Variants in ADAMTS12 observed in about 807,000 individuals in gnomAD.
The protein encoded by ADAMTS12 is A disintegrin and metalloproteinase with thrombospondin motifs 12.
A neutral mutation model predicts 167.8 loss-of-function variants in ADAMTS12; 118 were observed. The ratio of observed to expected loss-of-function variants is 0.70; its 90% confidence interval spans 0.61 to 0.82. The LOEUF is 0.82. Among genes scored for constraint, ADAMTS12 ranks in the 40% least tolerant of loss-of-function variants. The probability of loss-of-function intolerance (pLI) is 0.00; values close to 1 mark genes in which losing one functional copy is unlikely to be tolerated. For missense variants in ADAMTS12, 1,916 were observed against 1,998.8 expected, an observed-to-expected ratio of 0.96 and a Z score of 0.79; for synonymous variants, 704 against 716.9, an observed-to-expected ratio of 0.98 and a Z score of 0.29.
intron 9 of ADAMTS12, among the ~76,000 whole-genome samples, chr5:33,647,143 G>A (rs192537173): frequency 6.6e-6 from 1 of 152,174 alleles, no homozygotes; most frequent in Non-Finnish European, 1.5e-5. Flanking sequence ...AGATTAGAGA[G>A]TGAAGGGCTA....
At chr5:33,668,397 T>C (rs1741547227) in intron 5 of ADAMTS12, among the ~76,000 whole-genome samples, 1 of 152,226 alleles carries the variant, frequency 6.6e-6, no homozygotes, top group African/African-American at 2.4e-5. Context: ...GGGACACCTG[T>C]AATTGTGTTC....
At chr5:33,691,333 T>G (rs10064197) in intron 3 of ADAMTS12, among the ~76,000 whole-genome samples, 34,161 of 152,092 alleles carry the variant, frequency 0.22, 4,014 homozygotes, top group East Asian at 0.42. Flanking sequence ...GAACATCACT[T>G]GAAAAAATAC....
intron 1 of ADAMTS12, among the ~76,000 whole-genome samples, chr5:33,886,007 CTT>C (rs1750623661): frequency 6.6e-6 from 1 of 152,098 alleles, no homozygotes; most frequent in Admixed American, 6.5e-5. Flanking sequence ...CGGAAGCAAA[CTT>C]AATCTAGGAG....
At chr5:33,800,339 A>C (rs1258955588) in intron 2 of ADAMTS12, among the ~76,000 whole-genome samples, 1 of 152,200 alleles carries the variant, frequency 6.6e-6, no homozygotes, top group East Asian at 1.9e-4. Context: ...GATGAAACAA[A>C]GCATATGACA....
chr5:33,574,650 C>T (rs1012248679), intron 19 of ADAMTS12, among the ~76,000 whole-genome samples: 4 of 151,518 alleles, frequency 2.6e-5, no homozygotes, highest in Non-Finnish European at 5.9e-5. Flanking sequence ...TAATGCTAAA[C>T]GACGAATTAA....
Position 33,633,058 on chromosome 5 carries a change from G to A in ADAMTS12, c.1889-2145C>T, listed in dbSNP as rs181523523. Reference sequence around the variant, plus strand: ...GAACTGGCAAATTATGGTTCTATTTGTGTGCAAATGAAAACCTGCTGTTAG... The same window carrying A: ...GAACTGGCAAATTATGGTTCTATTTATGTGCAAATGAAAACCTGCTGTTAG... On this transcript the variant is annotated intron_variant, in intron 12 of 23. Coordinates refer to ENST00000504830, the MANE Select transcript of ADAMTS12 (RefSeq NM_030955.4). Among the ~76,000 whole-genome samples, 4 of 151,646 alleles carry A rather than the reference G, an allele frequency of 2.6e-5. No homozygotes were observed. The Admixed American group carries it at 2.6e-4, about 10-fold the overall frequency.
intron 16 of ADAMTS12, among the ~76,000 whole-genome samples, chr5:33,609,181 T>C (rs1738592845): frequency 6.6e-6 from 1 of 152,118 alleles, no homozygotes; most frequent in Non-Finnish European, 1.5e-5. Flanking sequence ...GATTCCTACT[T>C]TACACCTCAC....
chr5:33,860,091 A>C (rs1447941216), intron 2 of ADAMTS12, among the ~76,000 whole-genome samples: 1 of 151,692 alleles, frequency 6.6e-6, no homozygotes, highest in African/African-American at 2.4e-5. Context: ...TCCAAAAACC[A>C]GAATGCCTCT....
At chr5:33,673,107 AG>A (rs1741775920) in intron 5 of ADAMTS12, among the ~76,000 whole-genome samples, 1 of 150,144 alleles carries the variant, frequency 6.7e-6, no homozygotes, top group East Asian at 2.0e-4. Flanking sequence ...CAAACAGAAA[AG>A]CAGATAACCT....
intron 12 of ADAMTS12, among the ~76,000 whole-genome samples, chr5:33,636,872 A>G (rs1740223885): frequency 6.6e-6 from 1 of 152,130 alleles, no homozygotes; most frequent in Non-Finnish European, 1.5e-5. Context: ...ATGTGTCTGG[A>G]CGTTTTGCCA....
chr5:33,620,312 T>C (rs1739253017), intron 14 of ADAMTS12, among the ~76,000 whole-genome samples: 1 of 152,256 alleles, frequency 6.6e-6, no homozygotes, highest in African/African-American at 2.4e-5. Context: ...TGGCACTTTG[T>C]ATGAATCCCA....
At chr5:33,702,927 G>C (rs1340696611) in intron 3 of ADAMTS12, among the ~76,000 whole-genome samples, 1 of 152,142 alleles carries the variant, frequency 6.6e-6, no homozygotes, top group Non-Finnish European at 1.5e-5. Flanking sequence ...TGGTACCTCA[G>C]TGCCATTCTA....
chr5:33,713,647 A>T (rs532622707), intron 3 of ADAMTS12, among the ~76,000 whole-genome samples: 59 of 152,188 alleles, frequency 3.9e-4, no homozygotes, highest in African/African-American at 1.3e-3. Context: ...CAAGAAAAAA[A>T]AATTGATGAG....
At chr5:33,869,166 A>G (rs1749943405) in intron 2 of ADAMTS12, among the ~76,000 whole-genome samples, 1 of 152,158 alleles carries the variant, frequency 6.6e-6, no homozygotes, top group African/African-American at 2.4e-5. Context: ...GCCCTGTGCA[A>G]CCTTGGGACA....
chr5:33,760,307 A>C (rs1161051216), intron 2 of ADAMTS12, among the ~76,000 whole-genome samples: 1 of 152,088 alleles, frequency 6.6e-6, no homozygotes, highest in Non-Finnish European at 1.5e-5. Flanking sequence ...TGTAAAGACT[A>C]TTCCCCTGAA....
At chr5:33,591,360 T>C (rs1747629631) in intron 17 of ADAMTS12, among the ~76,000 whole-genome samples, 1 of 152,206 alleles carries the variant, frequency 6.6e-6, no homozygotes, top group Admixed American at 6.5e-5. Flanking sequence ...CTAACCTTCA[T>C]TACTCAGATA....
intron 14 of ADAMTS12, among the ~76,000 whole-genome samples, chr5:33,622,651 C>CA (rs568259117): frequency 1.1e-3 from 165 of 151,648 alleles, no homozygotes; most frequent in African/African-American, 3.7e-3. Flanking sequence ...GACTCCGTCT[C>CA]AAAAAAACAA....
intron 5 of ADAMTS12, among the ~76,000 whole-genome samples, chr5:33,666,864 C>CA (rs770787804): frequency 1.3e-5 from 2 of 152,130 alleles, no homozygotes; most frequent in Non-Finnish European, 2.9e-5. Context: ...CAGATTAATC[C>CA]GTTTTTTATA....
chr5:33,745,449 C>T (rs1454674226), intron 3 of ADAMTS12, among the ~76,000 whole-genome samples: 1 of 152,166 alleles, frequency 6.6e-6, no homozygotes, highest in Non-Finnish European at 1.5e-5. Flanking sequence ...GAAACTGATC[C>T]TTTGCTCATA....
Sources: gnomAD v4.1 joint callset for allele counts (sites outside exome capture counted in the v4.1 genomes callset) on GRCh38, gnomAD v4.1.1 for gene constraint, MANE v1.5 for transcripts, NCBI Gene and HGNC (gene_info 2026-07-23, HGNC 2026-07-21) for gene names.